The following LIMCH1 variants were observed in gnomAD, a reference collection of about 807,000 sequenced individuals.
LIMCH1 encodes LIM and calponin homology domains-containing protein 1.
In LIMCH1, 113 loss-of-function variants were observed where a neutral mutation model predicts 176.5. That is an observed-to-expected ratio of 0.64 (90% CI 0.55 to 0.75). The LOEUF is 0.75. Among genes scored for constraint, LIMCH1 ranks in the 30% least tolerant of loss-of-function variants. The probability of loss-of-function intolerance (pLI) is 0.00; values close to 1 mark genes in which losing one functional copy is unlikely to be tolerated. For missense variants in LIMCH1, 1,674 were observed against 1,814.9 expected (o/e 0.92, Z 1.41); for synonymous variants, 619 against 645.9 (o/e 0.96, Z 0.63).
chr4:41,631,284 C>T lies in LIMCH1; in HGVS notation c.1408C>T (p.His470Tyr). The T allele has an allele frequency of 2.0e-6, 3 of 1,536,062 alleles. No homozygotes were observed. Among genetic ancestry groups the T allele is most frequent in the Non-Finnish European group, 2.6e-6 (3 of 1,146,906 alleles). ...KASSPRQKFV[H>Y]FGPVTELDQQ... Reference sequence around the variant, plus strand: ...TTCCAGCCCCAGGCAAAAGTTTGTGCACTTTGGGCCAGTGACGGAGCTAGA... The same window carrying T: ...TTCCAGCCCCAGGCAAAAGTTTGTGTACTTTGGGCCAGTGACGGAGCTAGA... Residue 470 changes from histidine to tyrosine, a missense_variant, in exon 10 of 32, where the codon CAC becomes TAC. His to Tyr is a moderately conservative substitution (Grantham distance 83). Coordinates refer to ENST00000503057, the MANE Select transcript of LIMCH1 (RefSeq NM_001330672.2).
At chr4:41,596,054 A>T (rs961421660) in intron 1 of LIMCH1, among the ~76,000 whole-genome samples, 2 of 143,766 alleles carry the variant, frequency 1.4e-5, no homozygotes, top group Non-Finnish European at 3.0e-5. Flanking sequence ...ATCTCAAAAA[A>T]AAAAAAATAA....
chr4:41,449,737 G>A (rs555841161), intron 1 of LIMCH1, among the ~76,000 whole-genome samples: 266 of 152,266 alleles, frequency 1.7e-3, no homozygotes, highest in African/African-American at 6.0e-3. Context: ...TATTGATTGG[G>A]CACTAATCAT....
intron 5 of LIMCH1, among the ~76,000 whole-genome samples, chr4:41,616,568 T>C (rs1050823567): frequency 5.3e-5 from 8 of 151,828 alleles, no homozygotes; most frequent in Non-Finnish European, 1.0e-4. Context: ...AAGAAAATCA[T>C]CATCACATGC....
intron 21 of LIMCH1, among the ~76,000 whole-genome samples, chr4:41,667,631 T>C (rs933893659): frequency 6.6e-6 from 1 of 152,160 alleles, no homozygotes; most frequent in Non-Finnish European, 1.5e-5. Context: ...AGACCATATA[T>C]AGGGTTGTGA....
In LIMCH1 at chr4:41,683,600, A is replaced by C. The variant is rs1180737549; in HGVS notation, c.3846-797A>C. On this transcript the variant is annotated intron_variant, in intron 26 of 31. Coordinates refer to ENST00000503057, the MANE Select transcript of LIMCH1 (RefSeq NM_001330672.2). ...GAAAGGCTAAGTGTCATTTTCAAAGACTGGCCAACTTGAAAGGTTGGCTGG... is the reference window on the plus strand; with the variant it reads ...GAAAGGCTAAGTGTCATTTTCAAAGCCTGGCCAACTTGAAAGGTTGGCTGG... 2.6e-5 allele frequency among the ~76,000 whole-genome samples: 4 copies of C among 152,228 alleles called. No homozygotes were observed. In the East Asian group the frequency reaches 7.7e-4, roughly 29 times the overall value.
chr4:41,437,294 G>A (rs1173160308), intron 1 of LIMCH1, among the ~76,000 whole-genome samples: 1 of 152,236 alleles, frequency 6.6e-6, no homozygotes, highest in Non-Finnish European at 1.5e-5. Flanking sequence ...GGAGCCAGAA[G>A]TGTGCAAGGA....
chr4:41,369,490 A>T (rs771734541), intron 1 of LIMCH1, among the ~76,000 whole-genome samples: 12 of 152,182 alleles, frequency 7.9e-5, no homozygotes, highest in Non-Finnish European at 1.6e-4. Context: ...GGTAGCCACA[A>T]CCTGGAATGC....
intron 1 of LIMCH1, among the ~76,000 whole-genome samples, chr4:41,547,202 A>T (rs1334386279): frequency 6.6e-6 from 1 of 152,120 alleles, no homozygotes; most frequent in Non-Finnish European, 1.5e-5. Context: ...TGACATATAC[A>T]TTATTATCAG....
intron 1 of LIMCH1, among the ~76,000 whole-genome samples, chr4:41,472,469 G>A (rs1179219369): frequency 3.3e-5 from 5 of 151,186 alleles, no homozygotes; most frequent in African/African-American, 1.2e-4. Flanking sequence ...ACCCTGGCTC[G>A]AGTGCAGTGG....
At chr4:41,636,434 C>A (rs1202922854) in intron 13 of LIMCH1, among the ~76,000 whole-genome samples, 2 of 138,880 alleles carry the variant, frequency 1.4e-5, no homozygotes, top group African/African-American at 2.7e-5. Flanking sequence ...CTCTAATTAT[C>A]TTCCCCTTGC....
intron 26 of LIMCH1, among the ~76,000 whole-genome samples, chr4:41,683,805 A>G (rs1020684805): frequency 1.3e-5 from 2 of 152,236 alleles, no homozygotes; most frequent in Non-Finnish European, 2.9e-5. Flanking sequence ...AATGAAAACC[A>G]CTAGTCAGGA....
At chr4:41,586,901 G>A (rs754265197) in intron 1 of LIMCH1, among the ~76,000 whole-genome samples, 5 of 152,144 alleles carry the variant, frequency 3.3e-5, no homozygotes, top group Non-Finnish European at 4.4e-5. Context: ...GAGTCTTTGG[G>A]GTTGAGCACT....
chr4:41,609,269 C>T (rs1487301375), intron 4 of LIMCH1, among the ~76,000 whole-genome samples: 1 of 150,406 alleles, frequency 6.6e-6, no homozygotes, highest in Non-Finnish European at 1.5e-5. Context: ...TGATACTTAT[C>T]ATCCAATTTT....
chr4:41,548,918 T>C (rs2152505708), intron 1 of LIMCH1, among the ~76,000 whole-genome samples: 1 of 152,298 alleles, frequency 6.6e-6, no homozygotes, highest in East Asian at 1.9e-4. Flanking sequence ...GCTGAGGGGC[T>C]TTGGGCAGGG....
At chr4:41,541,787 C>G (rs548663244) in intron 1 of LIMCH1, among the ~76,000 whole-genome samples, 1 of 152,306 alleles carries the variant, frequency 6.6e-6, no homozygotes, top group East Asian at 1.9e-4. Flanking sequence ...GTGCTCAGTT[C>G]CTTCTGTTTG....
chr4:41,697,130 CTTGTTTGTTG>C lies in LIMCH1; in HGVS notation c.4379-20_4379-11del, dbSNP rs746604436. 6.2e-7 allele frequency: 1 copy of C among 1,612,768 alleles called. No homozygotes were observed. The highest frequency in any genetic ancestry group is 1.1e-5 in the South Asian group (1 of 90,958). ...GAAGCGAGAAATGTTGCCTACCACT[CTTGTTTGTTG>C]TTGTTTGTTTTAATCACAGGTGCCG... On this transcript the variant is annotated intron_variant, in intron 31 of 31. Transcript: ENST00000503057.
At chr4:41,467,158 T>TATATACAC (rs1157542568) in intron 1 of LIMCH1, among the ~76,000 whole-genome samples, 65 of 143,550 alleles carry the variant, frequency 4.5e-4, no homozygotes, top group African/African-American at 1.2e-3. Context: ...TATGTATATA[T>TATATACAC]ACACACACAC....
At chr4:41,542,194 C>T (rs961990533) in intron 1 of LIMCH1, among the ~76,000 whole-genome samples, 1 of 152,026 alleles carries the variant, frequency 6.6e-6, no homozygotes, top group Non-Finnish European at 1.5e-5. Context: ...TCCTCGTTTC[C>T]GTTTCAGGTT....
intron 1 of LIMCH1, among the ~76,000 whole-genome samples, chr4:41,564,903 C>G (rs1034510329): frequency 6.6e-6 from 1 of 152,160 alleles, no homozygotes; most frequent in Non-Finnish European, 1.5e-5. Context: ...GCACTCATTT[C>G]TCTCTCCTAC....
Sources: allele counts gnomAD v4.1 joint callset (sites outside exome capture counted in the v4.1 genomes callset), GRCh38; gene constraint gnomAD v4.1.1; transcripts MANE v1.5; gene names NCBI Gene and HGNC (gene_info 2026-07-23, HGNC 2026-07-21).